RPS6KC1: variants seen among roughly 807,000 people sequenced by gnomAD.
RPS6KC1 encodes ribosomal protein S6 kinase C1.
In RPS6KC1, 54 loss-of-function variants were observed where a neutral mutation model predicts 103.8. That is an observed-to-expected ratio of 0.52 (90% confidence interval 0.42 to 0.65). The LOEUF is 0.65. Among genes scored for constraint, RPS6KC1 ranks in the 30% least tolerant of loss-of-function variants. The probability of loss-of-function intolerance (pLI) is 0.00; values close to 1 mark genes in which losing one functional copy is unlikely to be tolerated. For synonymous variants in RPS6KC1, 439 were observed against 438.7 expected (o/e 1.00, Z -0.01); for missense variants, 1,151 against 1,253.8 (o/e 0.92, Z 1.24).
the RPS6KC1 span, among the ~76,000 whole-genome samples, chr1:213,373,305 T>C: frequency 6.6e-6 from 1 of 152,230 alleles, no homozygotes; most frequent in Non-Finnish European, 1.5e-5. Flanking sequence ...CATTTCTCTA[T>C]GTTAATTAGG....
the RPS6KC1 span, among the ~76,000 whole-genome samples, chr1:213,707,746 A>T: frequency 1.3e-5 from 2 of 152,200 alleles, no homozygotes; most frequent in African/African-American, 4.8e-5. Flanking sequence ...GTCTAGTTTC[A>T]GTTTTCTGCA....
At chr1:213,803,643 C>T in the RPS6KC1 span, among the ~76,000 whole-genome samples, 2 of 152,066 alleles carry the variant, frequency 1.3e-5, no homozygotes, top group East Asian at 1.9e-4. Context: ...TCAGGGGTGG[C>T]GAGGTTGTCT....
At chr1:213,789,658 C>T in the RPS6KC1 span, among the ~76,000 whole-genome samples, 16 of 152,166 alleles carry the variant, frequency 1.1e-4, no homozygotes, top group East Asian at 7.7e-4. Context: ...TCCCTTAAAA[C>T]GATAAGGTAC....
At chr1:213,712,017 T>A in the RPS6KC1 span, among the ~76,000 whole-genome samples, 3 of 152,350 alleles carry the variant, frequency 2.0e-5, no homozygotes, top group African/African-American at 7.2e-5. Flanking sequence ...GGAAGCAGTC[T>A]GTTCCTTAGC....
chr1:213,309,835 C>T, the RPS6KC1 span, among the ~76,000 whole-genome samples: 1 of 152,168 alleles, frequency 6.6e-6, no homozygotes, highest in Non-Finnish European at 1.5e-5. Flanking sequence ...CAGGTGTCTG[C>T]CACAATGCCT....
the RPS6KC1 span, among the ~76,000 whole-genome samples, chr1:213,719,024 G>A: frequency 1.8e-4 from 27 of 152,320 alleles, no homozygotes; most frequent in South Asian, 1.0e-3. Flanking sequence ...CACCTGAGGG[G>A]CAGAGATGTT....
the RPS6KC1 span, among the ~76,000 whole-genome samples, chr1:213,540,138 GTTCTT>G: frequency 6.6e-6 from 1 of 152,032 alleles, no homozygotes; most frequent in Non-Finnish European, 1.5e-5. Context: ...GTGAGATGGG[GTTCTT>G]GCTTTGTCAT....
chr1:213,593,081 A>G, the RPS6KC1 span, among the ~76,000 whole-genome samples: 1 of 151,900 alleles, frequency 6.6e-6, no homozygotes, highest in Non-Finnish European at 1.5e-5. Context: ...CAGCAATGGC[A>G]CTGGTGTTGA....
the RPS6KC1 span, among the ~76,000 whole-genome samples, chr1:213,351,788 C>A: frequency 6.6e-6 from 1 of 152,086 alleles, no homozygotes; most frequent in African/African-American, 2.4e-5. Flanking sequence ...AGATTCTTCT[C>A]TTTTATTTTG....
chr1:213,287,749 G>A, the RPS6KC1 span, among the ~76,000 whole-genome samples: 4 of 152,166 alleles, frequency 2.6e-5, no homozygotes, highest in African/African-American at 7.2e-5. Flanking sequence ...GAGATGTTAT[G>A]TAGTATTAAA....
rs761391411 is a variant in RPS6KC1 at position 213,241,338 on chromosome 1, T to C, written c.1862T>C (p.Leu621Ser). Residue 621 changes from leucine to serine, a missense_variant, in exon 11 of 15, where the codon TTG becomes TCG. Leu to Ser is a moderately radical substitution (Grantham distance 145). This residue lies in a region of RPS6KC1 where 959 missense variants were observed against 1,006.3 expected (regional missense o/e 0.95). Coordinates refer to ENST00000366960, the MANE Select transcript of RPS6KC1 (RefSeq NM_012424.6). ...ELLGLDFGEKLYSLKSEPLKP... is the reference protein window; with the variant it reads ...ELLGLDFGEKSYSLKSEPLKP... ...CTGGGACTTGACTTTGGAGAAAAAT[T>C]GTATAGTCTAAAATCAGAACCTTTG... The C allele has an allele frequency of 1.9e-6, 3 of 1,613,798 alleles. No homozygotes were observed. Among genetic ancestry groups the C allele is most frequent in the Non-Finnish European group, 2.5e-6 (3 of 1,179,948 alleles).
At chr1:213,319,312 C>CA in the RPS6KC1 span, among the ~76,000 whole-genome samples, 44,539 of 90,584 alleles carry the variant, frequency 0.49, 13,792 homozygotes, top group African/African-American at 0.76. Flanking sequence ...GACTCTGTCT[C>CA]AAAAAAAAAA....
At chr1:213,411,732 T>C in the RPS6KC1 span, among the ~76,000 whole-genome samples, 1 of 152,088 alleles carries the variant, frequency 6.6e-6, no homozygotes. Context: ...AAAGAGGAGT[T>C]CCTGGGGGCG....
At chr1:213,219,499 C>T (rs143075348) in intron 8 of RPS6KC1, among the ~76,000 whole-genome samples, 1 of 152,196 alleles carries the variant, frequency 6.6e-6, no homozygotes, top group East Asian at 1.9e-4. Context: ...TCCAGCCATT[C>T]CATTACCGGG....
the RPS6KC1 span, among the ~76,000 whole-genome samples, chr1:213,630,389 C>A: frequency 6.6e-6 from 1 of 152,192 alleles, no homozygotes; most frequent in Non-Finnish European, 1.5e-5. Context: ...GAGGCTTCTG[C>A]ATTCGTCATG....
chr1:213,495,533 G>A, the RPS6KC1 span, among the ~76,000 whole-genome samples: 1 of 152,156 alleles, frequency 6.6e-6, no homozygotes, highest in African/African-American at 2.4e-5. Flanking sequence ...TGTTGGCCAG[G>A]CTGGTCTCGA....
intron 8 of RPS6KC1, among the ~76,000 whole-genome samples, chr1:213,224,524 G>T (rs1019309752): frequency 2.0e-5 from 3 of 152,124 alleles, no homozygotes; most frequent in Non-Finnish European, 4.4e-5. Context: ...TTTCAATAAG[G>T]TATGCTATCC....
At chr1:213,732,142 A>C in the RPS6KC1 span, among the ~76,000 whole-genome samples, 4 of 152,134 alleles carry the variant, frequency 2.6e-5, no homozygotes, top group Admixed American at 6.5e-5. Context: ...AAAAAAGTTT[A>C]AGTCTCCACT....
the RPS6KC1 span, among the ~76,000 whole-genome samples, chr1:213,644,781 A>G: frequency 2.6e-5 from 4 of 152,308 alleles, no homozygotes; most frequent in Admixed American, 1.3e-4. Context: ...AATTGCTCTC[A>G]TAGAAGTTGT....
Sources: allele counts gnomAD v4.1 joint callset (sites outside exome capture counted in the v4.1 genomes callset), GRCh38; gene constraint gnomAD v4.1.1; regional missense constraint gnomAD v4.1.1; transcripts MANE v1.5; gene names NCBI Gene and HGNC (gene_info 2026-07-23, HGNC 2026-07-21).